The following DNM3 variants were observed in gnomAD, a reference collection of about 807,000 sequenced individuals.
DNM3 encodes the protein dynamin-3.
Under a neutral mutation model 101.6 loss-of-function variants are expected in DNM3, and 47 were observed. The observed-to-expected ratio is 0.46, with a 90% CI of 0.37 to 0.59. The LOEUF is 0.59. DNM3 is among the 20% of genes least tolerant of loss of function. DNM3 has a pLI of 0.00. For synonymous variants in DNM3, 385 were observed against 387.9 expected, an observed-to-expected ratio of 0.99 and a Z score of 0.09; for missense variants, 849 against 1,085.7, an observed-to-expected ratio of 0.78 and a Z score of 3.06.
At chr1:172,009,688 T>C (rs1028487181) in intron 4 of DNM3, among the ~76,000 whole-genome samples, 1 of 151,746 alleles carries the variant, frequency 6.6e-6, no homozygotes, top group Non-Finnish European at 1.5e-5. Context: ...CTTAACAGTA[T>C]TGGATGCTCC....
downstream of DNM3, among the ~76,000 whole-genome samples, chr1:172,415,022 T>C (rs549292893): frequency 2.3e-3 from 351 of 152,322 alleles, 1 homozygote; most frequent in African/African-American, 7.7e-3. Flanking sequence ...AGTTTGAGAC[T>C]GCAGTGAACT....
intron 14 of DNM3, among the ~76,000 whole-genome samples, chr1:172,188,211 T>C (rs2059588539): frequency 6.6e-6 from 1 of 152,132 alleles, no homozygotes; most frequent in African/African-American, 2.4e-5. Flanking sequence ...TACTCCTATT[T>C]CACAAGTAAT....
intron 20 of DNM3, among the ~76,000 whole-genome samples, chr1:172,404,092 G>A (rs1404165706): frequency 2.6e-5 from 4 of 151,950 alleles, no homozygotes; most frequent in Non-Finnish European, 4.4e-5. Context: ...TAAATAAAAT[G>A]TTTATTTCTT....
chr1:172,171,741 T>A (rs2058969132), intron 14 of DNM3, among the ~76,000 whole-genome samples: 1 of 151,696 alleles, frequency 6.6e-6, no homozygotes, highest in African/African-American at 2.4e-5. Flanking sequence ...TCACAATGAT[T>A]GTAAAATTGA....
chr1:171,914,641 A>G (rs1296433477), intron 1 of DNM3, among the ~76,000 whole-genome samples: 2 of 152,140 alleles, frequency 1.3e-5, no homozygotes, highest in Non-Finnish European at 2.9e-5. Flanking sequence ...CATAATATCA[A>G]TTTAAATGAC....
chr1:172,102,017 C>G (rs933323278), intron 13 of DNM3, among the ~76,000 whole-genome samples: 4 of 152,062 alleles, frequency 2.6e-5, no homozygotes, highest in Non-Finnish European at 4.4e-5. Context: ...TGCCACCACG[C>G]CTGGCTAATT....
At chr1:172,134,040 T>C (rs1403036703) in intron 14 of DNM3, among the ~76,000 whole-genome samples, 1 of 152,070 alleles carries the variant, frequency 6.6e-6, no homozygotes, top group Admixed American at 6.6e-5. Context: ...ATAAGTGGTA[T>C]GGGGTGGATG....
intron 14 of DNM3, among the ~76,000 whole-genome samples, chr1:172,246,559 C>G (rs1006227545): frequency 6.6e-6 from 1 of 152,036 alleles, no homozygotes; most frequent in Non-Finnish European, 1.5e-5. Flanking sequence ...AAAGGTATTT[C>G]TAGTGGAAGA....
Position 172,274,087 on chromosome 1 carries a change from G to A in DNM3, c.1769+20405G>A, listed in dbSNP as rs374793890. Among the ~76,000 whole-genome samples, 9 of 152,170 alleles carry A rather than the reference G, an allele frequency of 5.9e-5. No homozygotes were observed. The East Asian group carries it at 1.7e-3, about 29-fold the overall frequency. ...ACACTGTCGTAAAGCAGATGGTAAA[G>A]ACAGAATACCTCTGAAAAGTCAAAC... On this transcript the variant is annotated intron_variant, in intron 15 of 20. Coordinates refer to ENST00000627582, the MANE Select transcript of DNM3 (RefSeq NM_015569.5).
At chr1:172,164,502 C>CA (rs2058677564) in intron 14 of DNM3, among the ~76,000 whole-genome samples, 1 of 151,866 alleles carries the variant, frequency 6.6e-6, no homozygotes, top group Non-Finnish European at 1.5e-5. Context: ...TCTGGCCAGC[C>CA]AGGCCAGACC....
intron 4 of DNM3, among the ~76,000 whole-genome samples, chr1:172,017,743 GTCCT>G (rs900262642): frequency 4.6e-5 from 7 of 152,106 alleles, no homozygotes. Context: ...GTTCGACTAT[GTCCT>G]TCCTTACGGA....
At chr1:172,207,111 A>AG (rs5778723) in intron 14 of DNM3, among the ~76,000 whole-genome samples, 86,446 of 151,838 alleles carry the variant, frequency 0.57, 26,629 homozygotes, top group African/African-American at 0.81. Context: ...AGTCTAACAC[A>AG]GGTCAGAAGG....
chr1:172,096,336 A>G (rs2054241797), intron 13 of DNM3, among the ~76,000 whole-genome samples: 2 of 152,216 alleles, frequency 1.3e-5, no homozygotes, highest in African/African-American at 4.8e-5. Flanking sequence ...TTTAAGCACA[A>G]TCATATTAAC....
At chr1:172,208,952 G>A (rs1011086077) in intron 14 of DNM3, among the ~76,000 whole-genome samples, 25 of 152,078 alleles carry the variant, frequency 1.6e-4, no homozygotes, top group Admixed American at 7.9e-4. Context: ...GAAAGGAAGC[G>A]ACTGGTGGAA....
intron 2 of DNM3, among the ~76,000 whole-genome samples, chr1:171,983,005 G>A (rs1399598693): frequency 2.0e-5 from 3 of 151,966 alleles, no homozygotes; most frequent in African/African-American, 7.3e-5. Context: ...CATCACTTCA[G>A]CATCTGTGCC....
At chr1:172,074,035 C>T (rs1198605743) in intron 11 of DNM3, among the ~76,000 whole-genome samples, 1 of 152,118 alleles carries the variant, frequency 6.6e-6, no homozygotes, top group Non-Finnish European at 1.5e-5. Context: ...TTCATGTTGC[C>T]TGGGACATGT....
chr1:172,227,087 C>G (rs1178551136), intron 14 of DNM3, among the ~76,000 whole-genome samples: 1 of 151,406 alleles, frequency 6.6e-6, no homozygotes, highest in Non-Finnish European at 1.5e-5. Flanking sequence ...TCTCCAATGT[C>G]CATTATACCA....
intron 14 of DNM3, among the ~76,000 whole-genome samples, chr1:172,153,899 G>A (rs938963680): frequency 3.3e-5 from 5 of 152,064 alleles, no homozygotes; most frequent in Admixed American, 2.6e-4. Flanking sequence ...GAAGGATGGA[G>A]TTACAGATTG....
chr1:171,842,329 A>T (rs2235696), intron 1 of DNM3, among the ~76,000 whole-genome samples: 93,186 of 151,836 alleles, frequency 0.61, 28,927 homozygotes, highest in East Asian at 0.8. Context: ...CCTTCTCGCC[A>T]GGGTTCTCGT....
Sources: allele counts gnomAD v4.1 joint callset (sites outside exome capture counted in the v4.1 genomes callset), GRCh38; gene constraint gnomAD v4.1.1; transcripts MANE v1.5; gene names NCBI Gene and HGNC (gene_info 2026-07-23, HGNC 2026-07-21).